DSCAM: variants seen among roughly 807,000 people sequenced by gnomAD.
DSCAM encodes the protein cell adhesion molecule DSCAM.
DSCAM carries 47 observed loss-of-function variants against 217.7 expected under a neutral mutation model. The ratio of observed to expected loss-of-function variants is 0.22; its 90% CI spans 0.17 to 0.28. The LOEUF (loss-of-function observed/expected upper bound fraction) is 0.28, where lower values mean the gene tolerates loss of function less well. Ranked by LOEUF, DSCAM falls within the 10% of genes least tolerant of loss-of-function variation. The pLI, the probability that DSCAM is intolerant of heterozygous loss-of-function variation, is 1.00. For missense variants in DSCAM, 2,080 were observed against 2,618.3 expected (o/e 0.79, Z 4.49); for synonymous variants, 1,056 against 1,015.3 (o/e 1.04, Z -0.76).
chr21:40,201,166 G>A (rs1159747892), intron 11 of DSCAM, among the ~76,000 whole-genome samples: 1 of 152,128 alleles, frequency 6.6e-6, no homozygotes, highest in Non-Finnish European at 1.5e-5. Context: ...CTTCCTGGCA[G>A]CTTTTCCAGG....
chr21:40,726,932 C>T (rs1049652682), intron 1 of DSCAM, among the ~76,000 whole-genome samples: 6 of 152,140 alleles, frequency 3.9e-5, no homozygotes, highest in African/African-American at 1.4e-4. Flanking sequence ...GAGATCTGAG[C>T]TGGCATACCC....
chr21:40,329,593 A>G (rs1420163746), intron 8 of DSCAM, among the ~76,000 whole-genome samples: 2 of 150,796 alleles, frequency 1.3e-5, no homozygotes, highest in Non-Finnish European at 2.9e-5. Flanking sequence ...CAGCCTGGCC[A>G]CAGAGTGAGA....
chr21:40,045,969 T>A (rs926005468), intron 30 of DSCAM, among the ~76,000 whole-genome samples: 1 of 152,250 alleles, frequency 6.6e-6, no homozygotes, highest in Non-Finnish European at 1.5e-5. Flanking sequence ...AGGGTCACTT[T>A]ATGAAGGCAA....
At chr21:40,203,290 C>T (rs2091089956) in intron 11 of DSCAM, among the ~76,000 whole-genome samples, 1 of 152,214 alleles carries the variant, frequency 6.6e-6, no homozygotes, top group Non-Finnish European at 1.5e-5. Flanking sequence ...TTGCAGATAT[C>T]TACCATACAT....
chr21:40,760,020 A>G (rs1159259146), intron 1 of DSCAM, among the ~76,000 whole-genome samples: 6 of 149,780 alleles, frequency 4.0e-5, no homozygotes, highest in African/African-American at 1.5e-4. Context: ...TATGAGACAG[A>G]GTCTTGCTCT....
chr21:40,728,844 T>A (rs754895314), intron 1 of DSCAM, among the ~76,000 whole-genome samples: 8 of 152,160 alleles, frequency 5.3e-5, no homozygotes, highest in African/African-American at 1.9e-4. Flanking sequence ...CTGCACTAGG[T>A]GAGAAGTCAG....
chr21:40,232,498 T>C (rs531033367), intron 11 of DSCAM, among the ~76,000 whole-genome samples: 1 of 152,276 alleles, frequency 6.6e-6, no homozygotes, highest in East Asian at 1.9e-4. Context: ...CTCTGGTTAT[T>C]AAGAAACCTC....
intron 2 of DSCAM, among the ~76,000 whole-genome samples, chr21:40,706,902 T>A (rs149499715): frequency 1.3e-5 from 2 of 152,204 alleles, no homozygotes; most frequent in Admixed American, 6.5e-5. Context: ...ATATGCTGGA[T>A]TCATAGTCCA....
intron 11 of DSCAM, among the ~76,000 whole-genome samples, chr21:40,192,325 G>A (rs2090960351): frequency 6.6e-6 from 1 of 152,146 alleles, no homozygotes; most frequent in African/African-American, 2.4e-5. Context: ...AGTGTCATGG[G>A]AGAGGCCTGG....
chr21:40,256,404 C>CAGAGAGAGAGAGAGAGAGAGAGAG (rs148333628), intron 11 of DSCAM, among the ~76,000 whole-genome samples: 1 of 147,714 alleles, frequency 6.8e-6, no homozygotes, highest in African/African-American at 2.5e-5. Flanking sequence ...GAGAGACAGA[C>CAGAGAGAGAGAGAGAGAGAGAGAG]AGAGAGAGAG....
chr21:40,135,074 T>G (rs16999355), intron 18 of DSCAM, among the ~76,000 whole-genome samples: 2,839 of 152,332 alleles, frequency 0.019, 81 homozygotes, highest in African/African-American at 0.058. Flanking sequence ...AAGTACTTCC[T>G]TGGTGTTTGG....
At chr21:40,228,185 G>A (rs1003600020) in intron 11 of DSCAM, among the ~76,000 whole-genome samples, 6 of 152,136 alleles carry the variant, frequency 3.9e-5, no homozygotes, top group South Asian at 2.1e-4. Flanking sequence ...GCTTATCAGT[G>A]TCGCTGTTGA....
intron 32 of DSCAM, among the ~76,000 whole-genome samples, chr21:40,035,683 A>G (rs1358716857): frequency 2.0e-5 from 3 of 150,414 alleles, no homozygotes; most frequent in Non-Finnish European, 2.9e-5. Flanking sequence ...CATCTACAGA[A>G]CTCTCCACCC....
intron 3 of DSCAM, among the ~76,000 whole-genome samples, chr21:40,481,281 A>G (rs1381435036): frequency 6.6e-6 from 1 of 152,130 alleles, no homozygotes; most frequent in Non-Finnish European, 1.5e-5. Flanking sequence ...CAAGGTCAGG[A>G]GATCGAGACC....
chr21:40,348,285 C>A (rs2074585188), intron 5 of DSCAM, among the ~76,000 whole-genome samples: 19 of 152,228 alleles, frequency 1.2e-4, no homozygotes, highest in African/African-American at 4.6e-4. Flanking sequence ...TGCAATCATA[C>A]CCCAGAGAGT....
At chr21:40,753,302 G>A (rs1216443362) in intron 1 of DSCAM, among the ~76,000 whole-genome samples, 2 of 152,286 alleles carry the variant, frequency 1.3e-5, no homozygotes. Flanking sequence ...GTCCAATGTG[G>A]TGACACAAAA....
At chr21:40,281,111 A>G (rs985660885) in intron 10 of DSCAM, among the ~76,000 whole-genome samples, 1 of 147,956 alleles carries the variant, frequency 6.8e-6, no homozygotes, top group Non-Finnish European at 1.5e-5. Flanking sequence ...ACAGAAATGG[A>G]AGCTATTAAA....
chr21:40,596,181 C>G (rs1487766763), intron 3 of DSCAM, among the ~76,000 whole-genome samples: 2 of 152,130 alleles, frequency 1.3e-5, no homozygotes, highest in African/African-American at 4.8e-5. Context: ...CTCACTTGTC[C>G]CCTAATAATA....
chr21:40,382,388 C>G (rs1297619975), intron 3 of DSCAM, among the ~76,000 whole-genome samples: 1 of 152,170 alleles, frequency 6.6e-6, no homozygotes, highest in Admixed American at 6.5e-5. Context: ...GGACATGACA[C>G]ATTTTTTCCC....
Sources: gnomAD v4.1 joint callset for allele counts (sites outside exome capture counted in the v4.1 genomes callset) on GRCh38, gnomAD v4.1.1 for gene constraint, MANE v1.5 for transcripts, NCBI Gene and HGNC (gene_info 2026-07-23, HGNC 2026-07-21) for gene names.